The following ISYNA1 variants were observed in gnomAD, a reference collection of about 807,000 sequenced individuals.
The protein encoded by ISYNA1 is MI-1-P synthase.
ISYNA1 carries 34 observed loss-of-function variants against 50.3 expected under a neutral mutation model. That is an observed-to-expected ratio of 0.68 (90% CI 0.51 to 0.90). The LOEUF is 0.90. Ranked by LOEUF, ISYNA1 falls within the 40% of genes least tolerant of loss-of-function variation. The pLI, the probability that ISYNA1 is intolerant of heterozygous loss-of-function variation, is 0.00. For synonymous variants in ISYNA1, 396 were observed against 349.9 expected (o/e 1.13, Z -1.47); for missense variants, 718 against 784.8 (o/e 0.91, Z 1.02).
intron 3 of ISYNA1, 28 bp downstream of exon 3, chr19:18,437,571 C>T (rs756790079): frequency 1.4e-6 from 2 of 1,439,710 alleles, no homozygotes; most frequent in South Asian, 2.8e-5. Context: ...CCAAGCCTCC[C>T]TACCCACCAC....
In ISYNA1 at chr19:18,438,095, G is replaced by T; in HGVS notation, c.-12C>A. ...TCCCTGCCCCGAACCGCACTCACCGGCGCAGAGTCGACTCAGGCAGCGGCG... is the reference window on the plus strand; with the variant it reads ...TCCCTGCCCCGAACCGCACTCACCGTCGCAGAGTCGACTCAGGCAGCGGCG... On this transcript the variant is annotated splice_region_variant and 5_prime_UTR_variant, in exon 1 of 11. Transcript: ENST00000338128. The T allele has an allele frequency of 8.9e-7, 1 of 1,126,872 alleles. No homozygotes were observed. Among genetic ancestry groups the T allele is most frequent in the South Asian group, 1.8e-5 (1 of 55,910 alleles). 69.8% of individuals were successfully genotyped at this position (1,126,872 alleles called of 1,614,324 possible).
Position 18,435,758 on chromosome 19 carries a change from C to G in ISYNA1, c.1139G>C (p.Cys380Ser), listed in dbSNP as rs1482143945. ...LYTPGEEPDHCVVIKYVPYVG... is the reference protein window; with the variant it reads ...LYTPGEEPDHSVVIKYVPYVG... ...CGCCCGCGCCCGCGCCCCACGCACG[C>G]AGTGGTCAGGCTCTTCGCCGGGCGT... The change falls in exon 8 of 11, where the codon TGC becomes TCC. Residue 380 changes from cysteine to serine, a missense_variant and splice_region_variant. Cys to Ser is a moderately radical substitution (Grantham distance 112). Around this residue, in one of 3 missense-constraint regions of ISYNA1, gnomAD observed 305 missense variants for 292.6 expected, o/e 1.04. Coordinates refer to ENST00000338128, the MANE Select transcript of ISYNA1 (RefSeq NM_016368.5). The G allele has an allele frequency of 6.2e-7, 1 of 1,612,842 alleles. No homozygotes were observed. Among genetic ancestry groups the G allele is most frequent in the Admixed American group, 1.7e-5 (1 of 60,018 alleles).
At position 18,438,117 on chromosome 19, in the gene ISYNA1, G is replaced by C; in HGVS notation, c.-34C>G. 1 of 956,690 alleles carries C rather than the reference G, an allele frequency of 1.0e-6. No individual in the cohort carries two copies. Among genetic ancestry groups the C allele is most frequent in the Non-Finnish European group, 1.4e-6 (1 of 694,484 alleles). 59.3% of individuals were successfully genotyped at this position (956,690 alleles called of 1,614,324 possible). The stretch of plus-strand genomic sequence containing the variant: ...CCGGCGCAGAGTCGACTCAGGCAGC[G>C]GCGGCGGACAGCGCGGGCTCTCGGG... On this transcript the variant is annotated 5_prime_UTR_variant, in exon 1 of 11. Coordinates refer to ENST00000338128, the MANE Select transcript of ISYNA1 (RefSeq NM_016368.5).
In ISYNA1 at chr19:18,435,487, C is replaced by CG; in HGVS notation, c.1255-5dup. 1 of 1,608,344 alleles carries CG rather than the reference C, an allele frequency of 6.2e-7. No individual in the cohort carries two copies. The highest frequency in any genetic ancestry group is 8.5e-7 in the Non-Finnish European group (1 of 1,179,468). On this transcript the variant is annotated splice_region_variant and splice_polypyrimidine_tract_variant and intron_variant, in intron 9 of 10. Coordinates refer to ENST00000338128, the MANE Select transcript of ISYNA1 (RefSeq NM_016368.5). The stretch of plus-strand genomic sequence containing the variant: ...TGGGTGCGGCCAGCAGCGAGTCCTG[C>CG]GGGGCGGGTGGGTCAGGAGATGGGG...
chr19:18,435,727 ACCCCGCGCCCGCGCCCGCG>A lies in ISYNA1; in HGVS notation c.1140+11_1140+29del. 6.2e-7 allele frequency: 1 copy of A among 1,608,118 alleles called. No homozygotes were observed. The highest frequency in any genetic ancestry group is 8.5e-7 in the Non-Finnish European group (1 of 1,177,710). On this transcript the variant is annotated intron_variant, in intron 8 of 10. Coordinates refer to ENST00000338128, the MANE Select transcript of ISYNA1 (RefSeq NM_016368.5). ...GGTCCCTGCCACCCCTCGCCGGGCA[ACCCCGCGCCCGCGCCCGCG>A]CCCCACGCACGCAGTGGTCAGGCTC...
At position 18,436,065 on chromosome 19, in the gene ISYNA1, C is replaced by T. The variant is rs912112306; in HGVS notation, c.942G>A (p.Val314=). ...CGGAGCCAATGAGGAAGTCCACAAG[C>T]ACGGACTTGACTTTGGTCTGGCCTG... ...FKSGQTKVKS[V]LVDFLIGSGL... is the part of the protein sequence containing the mutation. The change falls in exon 7 of 11, where the codon GTG becomes GTA. Residue 314 remains valine, a synonymous_variant. Transcript: ENST00000338128. 1 of 1,613,390 alleles carries T rather than the reference C, an allele frequency of 6.2e-7. No homozygotes were observed. The highest frequency in any genetic ancestry group is 1.3e-5 in the African/African-American group (1 of 75,068).
At chr19:18,437,158 C>T in intron 3 of ISYNA1, 53 bp from the exon 4 acceptor site, 1 of 1,521,382 alleles carries the variant, frequency 6.6e-7, no homozygotes, top group East Asian at 2.5e-5. Flanking sequence ...GAAAGGGCCG[C>T]GACCCGGCCT....
chr19:18,436,510 G>A, intron 5 of ISYNA1, 31 bp from the exon 6 acceptor site: 1 of 1,601,922 alleles, frequency 6.2e-7, no homozygotes. Flanking sequence ...GTGTGGGGAG[G>A]ATGGAGAGGG....
Position 18,434,988 on chromosome 19 carries a change from T to C in ISYNA1, c.1602A>G (p.Val534=), listed in dbSNP as rs1973897258. ...CGGTGCAGCCATTGGTGGCAGCGGG[T>C]ACCGGTCCTTTCTTGTTCAACATAG... is the stretch of plus-strand genomic sequence containing the variant. ...TYPMLNKKGP[V]PAATNGCTGD... The change falls in exon 11 of 11, where the codon GTA becomes GTG. Residue 534 remains valine (V), a synonymous_variant. Coordinates refer to ENST00000338128, the MANE Select transcript of ISYNA1 (RefSeq NM_016368.5). The C allele has an allele frequency of 1.2e-6, 2 of 1,613,378 alleles. No individual in the cohort carries two copies. The highest frequency in any genetic ancestry group is 4.5e-5 in the East Asian group (2 of 44,876).
Position 18,436,687 on chromosome 19 carries a change from C to T in ISYNA1, c.606G>A (p.Gln202=). The change falls in exon 5 of 11, where the codon CAG becomes CAA. Residue 202 remains glutamine, a synonymous_variant. Transcript: ENST00000338128. The stretch of plus-strand genomic sequence containing the variant: ...GGGATGCGGGATGGGACAGCACCTG[C>T]TGCGCACGCGAGCCTGGGATGAGGT... ...ADNLIPGSRA[Q]QLEQIRRDIR... 6.4e-7 allele frequency: 1 copy of T among 1,569,472 alleles called. No homozygotes were observed. Among genetic ancestry groups the T allele is most frequent in the Admixed American group, 2.0e-5 (1 of 49,030 alleles).
chr19:18,436,571 C>G, intron 5 of ISYNA1, 92 bp from the exon 6 acceptor site: 1 of 1,597,480 alleles, frequency 6.3e-7, no homozygotes, highest in Non-Finnish European at 8.5e-7. Flanking sequence ...GCCTGGGCTA[C>G]TCAGTTCCCC....
Position 18,434,901 on chromosome 19 carries a change from G to T in ISYNA1, c.*12C>A. On this transcript the variant is annotated 3_prime_UTR_variant, in exon 11 of 11. Transcript: ENST00000338128. ...CGGGGAGGAAGAGCCGAGAAACTGTGTGACCGGGGCCTCAGGTGGTGGGCA... is the reference window on the plus strand; with the variant it reads ...CGGGGAGGAAGAGCCGAGAAACTGTTTGACCGGGGCCTCAGGTGGTGGGCA... The T allele has an allele frequency of 1.9e-6, 3 of 1,609,894 alleles. No individual in the cohort carries two copies. The highest frequency in any genetic ancestry group is 2.5e-6 in the Non-Finnish European group (3 of 1,178,000).
chr19:18,436,435 C>T lies in ISYNA1; in HGVS notation c.654G>A (p.Ala218=), dbSNP rs773589594. 2 of 1,609,486 alleles carry T rather than the reference C, an allele frequency of 1.2e-6. No individual in the cohort carries two copies. The highest frequency in any genetic ancestry group is 1.7e-5 in the Admixed American group (1 of 59,830). ...ACAGCACTATGACTTTGTCCAGCCC[C>T]GCGCTAGACCGGAAGTCTCGGATGT... ...RRDIRDFRSS[A]GLDKVIVLWT... Residue 218 remains alanine (A), a synonymous_variant, in exon 6 of 11, where the codon GCG becomes GCA. Transcript: ENST00000338128.
In ISYNA1 at chr19:18,437,861, T is replaced by G; in HGVS notation, c.119A>C (p.Lys40Thr). ...TRVSREGGVL[K>T]VHPTSTRFTF... Reference sequence around the variant, plus strand: ...TCCTTCCTCAGCCCCCTGGTCCACCTTGAGAACGCCACCCTCGCGGCTGAC... The same window carrying G: ...TCCTTCCTCAGCCCCCTGGTCCACCGTGAGAACGCCACCCTCGCGGCTGAC... The change falls in exon 2 of 11, where the codon AAG (lysine) becomes ACG (threonine). Residue 40 changes from lysine to threonine, a missense_variant and splice_region_variant. Transcript: ENST00000338128. The G allele has an allele frequency of 6.2e-7, 1 of 1,611,732 alleles. No homozygotes were observed.
At position 18,437,931 on chromosome 19, in the gene ISYNA1, C is replaced by T. The variant is rs747193488; in HGVS notation, c.49G>A (p.Gly17Ser). Residue 17 changes from glycine to serine, a missense_variant, in exon 2 of 11, where the codon GGC (glycine) becomes AGC (serine). This residue lies in a region of ISYNA1 where 403 missense variants were observed against 466.6 expected (regional missense o/e 0.86). Coordinates refer to ENST00000338128, the MANE Select transcript of ISYNA1 (RefSeq NM_016368.5). Reference protein sequence around the residue: ...FFVESPDVVYGPEAIEAQYEY... With the variant: ...FFVESPDVVYSPEAIEAQYEY... ...TATTGCGCCTCGATGGCCTCGGGGC[C>T]GTAGACCACGTCCGGGCTCTCGACG... The T allele has an allele frequency of 2.5e-6, 4 of 1,609,200 alleles. No individual in the cohort carries two copies. The highest frequency in any genetic ancestry group is 1.3e-5 in the African/African-American group (1 of 74,822).
intron 5 of ISYNA1, 43 bp from the exon 6 acceptor site, chr19:18,436,522 G>A: frequency 6.2e-7 from 1 of 1,601,324 alleles, no homozygotes; most frequent in Non-Finnish European, 8.5e-7. Flanking sequence ...TGGAGAGGGT[G>A]TAGGGAAGTT....
At position 18,436,806 on chromosome 19, in the gene ISYNA1, C is replaced by T. The variant is rs1307693233; in HGVS notation, c.487G>A (p.Glu163Lys). The change falls in exon 5 of 11, where the codon GAG becomes AAG. Residue 163 changes from glutamate to lysine, a missense_variant. By Grantham distance (56) the Glu-to-Lys change is moderately conservative. This residue lies in a region of ISYNA1 where 403 missense variants were observed against 466.6 expected (regional missense o/e 0.86). Coordinates refer to ENST00000338128, the MANE Select transcript of ISYNA1 (RefSeq NM_016368.5). ...RAKVLDWGLQ[E>K]QLWPHMEALR... ...GCCTCCATGTGCGGCCACAGTTGCT[C>T]CTGCAGCCCCCAGTCCAGCACCTTC... 2 of 1,585,972 alleles carry T rather than the reference C, an allele frequency of 1.3e-6. No homozygotes were observed. Among genetic ancestry groups the T allele is most frequent in the Non-Finnish European group, 1.7e-6 (2 of 1,169,706 alleles).
At chr19:18,436,913 C>G in intron 4 of ISYNA1, 36 bp from the exon 5 acceptor site, 1 of 1,598,240 alleles carries the variant, frequency 6.3e-7, no homozygotes, top group Non-Finnish European at 8.5e-7. Flanking sequence ...TGCCCGGATC[C>G]TGGGCCCCTC....
At position 18,436,236 on chromosome 19, in the gene ISYNA1, C is replaced by T. The variant is rs1451146232; in HGVS notation, c.771G>A (p.Glu257=). ...NLLRTIELGL[E]VSPSTLFAVA... ...CGGCGAAGAGCGTGGAGGGCGACACCTCCAGACCGAGCTGTGGGCAAGGCG... is the reference window on the plus strand; with the variant it reads ...CGGCGAAGAGCGTGGAGGGCGACACTTCCAGACCGAGCTGTGGGCAAGGCG... Residue 257 remains glutamate (E), a synonymous_variant, in exon 7 of 11, where the codon GAG becomes GAA. Coordinates refer to ENST00000338128, the MANE Select transcript of ISYNA1 (RefSeq NM_016368.5). 1.9e-6 allele frequency: 3 copies of T among 1,608,760 alleles called. No individual in the cohort carries two copies. Among genetic ancestry groups the T allele is most frequent in the Admixed American group, 1.7e-5 (1 of 60,012 alleles).
Sources: allele counts gnomAD v4.1 joint callset, GRCh38; gene constraint gnomAD v4.1.1; regional missense constraint gnomAD v4.1.1; transcripts MANE v1.5; gene names NCBI Gene and HGNC (gene_info 2026-07-23, HGNC 2026-07-21).